Variants in UNC79 observed in about 807,000 individuals in gnomAD.
UNC79 encodes the protein protein unc-79 homolog.
UNC79 carries 37 observed loss-of-function variants against 283.1 expected under a neutral mutation model. The observed-to-expected ratio is 0.13, with a 90% CI of 0.10 to 0.17. The LOEUF (loss-of-function observed/expected upper bound fraction) is 0.17. UNC79 is among the 10% of genes least tolerant of loss of function. The pLI, the probability that UNC79 is intolerant of heterozygous loss-of-function variation, is 1.00. For synonymous variants in UNC79, 1,107 were observed against 1,200.2 expected (o/e 0.92, Z 1.61); for missense variants, 2,272 against 3,211.1 (o/e 0.71, Z 7.07).
intron 14 of UNC79, among the ~76,000 whole-genome samples, chr14:93,544,574 G>C (rs894738255): frequency 6.6e-6 from 1 of 152,172 alleles, no homozygotes; most frequent in African/African-American, 2.4e-5. Flanking sequence ...TAGGGTTTTG[G>C]TGGATAACAT....
At chr14:93,397,747 C>G (rs1319004728) in intron 1 of UNC79, among the ~76,000 whole-genome samples, 1 of 143,944 alleles carries the variant, frequency 6.9e-6, no homozygotes, top group East Asian at 2.0e-4. Context: ...ATCCTTAGAA[C>G]AATGGTTGGA....
At chr14:93,627,199 A>T (rs968481610) in intron 30 of UNC79, among the ~76,000 whole-genome samples, 1 of 152,188 alleles carries the variant, frequency 6.6e-6, no homozygotes, top group African/African-American at 2.4e-5. Flanking sequence ...GCAGTCTTTG[A>T]CACTGTTGGT....
At chr14:93,418,992 C>T (rs1026796712) in intron 1 of UNC79, among the ~76,000 whole-genome samples, 4 of 151,804 alleles carry the variant, frequency 2.6e-5, no homozygotes, top group Non-Finnish European at 5.9e-5. Context: ...GGCAATGCAT[C>T]GCCCTGTTTC....
chr14:93,642,427 A>AC, intron 33 of UNC79, among the ~76,000 whole-genome samples: 2 of 138,866 alleles, frequency 1.4e-5, no homozygotes, highest in South Asian at 5.5e-4. Context: ...TCCATCTCAA[A>AC]AAAAAAAAAA....
chr14:93,365,658 A>G (rs926971717), intron 1 of UNC79, among the ~76,000 whole-genome samples: 2 of 152,200 alleles, frequency 1.3e-5, no homozygotes, highest in Non-Finnish European at 2.9e-5. Flanking sequence ...TATCAGAGTG[A>G]TACAGTCAAA....
intron 40 of UNC79, among the ~76,000 whole-genome samples, chr14:93,672,748 T>G (rs908178508): frequency 1.3e-5 from 2 of 152,222 alleles, no homozygotes; most frequent in Middle Eastern, 3.2e-3. Flanking sequence ...ACACATTCTG[T>G]GCATGCAACA....
In UNC79 at chr14:93,333,630, C is replaced by G. The variant is rs563463583; in HGVS notation, c.-351+107C>G. The G allele has an allele frequency of 2.1e-5, 8 of 389,926 alleles. No individual in the cohort carries two copies. In the South Asian group the frequency reaches 4.3e-4, roughly 21 times the overall value. The allele number at this position is 389,926 out of a possible 1,614,324, so 24.2% of individuals were successfully genotyped here. ...TGAAAAGTTTTCCTTAACAAGATACCCCTGTAAACAAAGGACAAAATTGAT... is the reference window on the plus strand; with the variant it reads ...TGAAAAGTTTTCCTTAACAAGATACGCCTGTAAACAAAGGACAAAATTGAT... On this transcript the variant is annotated intron_variant, in intron 1 of 49. Transcript: ENST00000256339.
intron 1 of UNC79, among the ~76,000 whole-genome samples, chr14:93,378,725 A>G (rs1269422857): frequency 6.6e-6 from 1 of 152,200 alleles, no homozygotes; most frequent in Non-Finnish European, 1.5e-5. Flanking sequence ...TCATGTTGGT[A>G]CTCAAAAAAT....
rs1348248859 is a variant in UNC79 at position 93,413,163 on chromosome 14, C to T, written c.-350-54508C>T. Among the ~76,000 whole-genome samples the T allele has an allele frequency of 2.0e-5, 3 of 149,208 alleles. No homozygotes were observed. In the East Asian group the frequency reaches 5.9e-4, roughly 29 times the overall value. On this transcript the variant is annotated intron_variant, in intron 1 of 49. Transcript: ENST00000256339. ...TCATCATTTAGCATTAGGTATATCT[C>T]CTAAAGCTATCCCTCCCCCCACCCC...
Position 93,641,252 on chromosome 14 carries a change from G to C in UNC79, c.5903+5G>C. The C allele has an allele frequency of 6.2e-7, 1 of 1,610,418 alleles. No individual in the cohort carries two copies. The highest frequency in any genetic ancestry group is 8.5e-7 in the Non-Finnish European group (1 of 1,177,532). On this transcript the variant is annotated splice_donor_5th_base_variant and intron_variant, in intron 33 of 48. Transcript: ENST00000555664. ...GCCGACGGTGATGACGGACAAGTAA[G>C]CTCGCACAGTTATTTTCTTCACCAT... is the stretch of plus-strand genomic sequence containing the variant.
intron 27 of UNC79, among the ~76,000 whole-genome samples, chr14:93,614,548 G>A (rs780856106): frequency 1.3e-5 from 2 of 151,234 alleles, no homozygotes; most frequent in Non-Finnish European, 2.9e-5. Context: ...TGAGCTCCTG[G>A]CCTCAAGTGA....
chr14:93,691,913 C>G (rs753279807), exon 46 of UNC79: 1 of 1,614,172 alleles, frequency 6.2e-7, no homozygotes, highest in Admixed American at 1.7e-5. Flanking sequence ...GGGTGACACC[C>G]AGCATCCTTC....
At chr14:93,503,315 T>C (rs2059384491) in intron 7 of UNC79, among the ~76,000 whole-genome samples, 1 of 152,124 alleles carries the variant, frequency 6.6e-6, no homozygotes, top group Non-Finnish European at 1.5e-5. Flanking sequence ...TAGTGGACTT[T>C]TGGATTAATC....
intron 40 of UNC79, among the ~76,000 whole-genome samples, chr14:93,665,442 T>C (rs1366620045): frequency 6.6e-6 from 1 of 151,846 alleles, no homozygotes; most frequent in Non-Finnish European, 1.5e-5. Context: ...CTAACAGATA[T>C]CTAATAAATA....
chr14:93,347,132 AG>A, intron 1 of UNC79: 1 of 925,350 alleles, frequency 1.1e-6, no homozygotes, highest in Non-Finnish European at 1.6e-6. Context: ...GGGGTGGGGT[AG>A]GGGGCGAGGG....
rs143839404 is a variant in UNC79, at chr14:93,669,554, T to C, written c.6637-3797T>C. The stretch of plus-strand genomic sequence containing the variant: ...TTTTGGTGTAAAGACACCCCCATAG[T>C]AACTTTCCTTCATGTGGACACAGCT... On this transcript the variant is annotated intron_variant, in intron 40 of 48. Transcript: ENST00000555664. Among the ~76,000 whole-genome samples the C allele has an allele frequency of 9.9e-5, 15 of 152,268 alleles. 1 individual carries two copies. Among genetic ancestry groups the C allele is most frequent in the Admixed American group, 3.9e-4 (6 of 15,294 alleles).
At chr14:93,464,836 G>C (rs2057101452) in intron 1 of UNC79, among the ~76,000 whole-genome samples, 1 of 152,108 alleles carries the variant, frequency 6.6e-6, no homozygotes, top group South Asian at 2.1e-4. Flanking sequence ...GCTCACATGG[G>C]CTTATTAACC....
chr14:93,699,371 ATTAAC>A (rs1195922831), intron 47 of UNC79, among the ~76,000 whole-genome samples: 4 of 152,194 alleles, frequency 2.6e-5, no homozygotes, highest in Non-Finnish European at 5.9e-5. Context: ...AACTAAGATA[ATTAAC>A]TTAAGAACTT....
At chr14:93,498,114 TA>T (rs1489535390) in intron 7 of UNC79, among the ~76,000 whole-genome samples, 1 of 141,180 alleles carries the variant, frequency 7.1e-6, no homozygotes, top group Non-Finnish European at 1.5e-5. Flanking sequence ...GGCCAACATG[TA>T]AAAATTAGCC....
Sources: gnomAD v4.1 joint callset for allele counts (sites outside exome capture counted in the v4.1 genomes callset) on GRCh38, gnomAD v4.1.1 for gene constraint, MANE v1.5 for transcripts, NCBI Gene and HGNC (gene_info 2026-07-23, HGNC 2026-07-21) for gene names.